Variants in KIAA1217 observed in about 807,000 individuals in gnomAD.
KIAA1217 encodes sickle tail protein homolog.
A neutral mutation model predicts 163.9 loss-of-function variants in KIAA1217; 88 were observed. That is an observed-to-expected ratio of 0.54 (90% CI 0.45 to 0.64). The LOEUF is 0.64. Among genes scored for constraint, KIAA1217 ranks in the 30% least tolerant of loss-of-function variants. The pLI is 0.00. For missense variants in KIAA1217, 2,372 were observed against 2,475.0 expected (o/e 0.96, Z 0.88); for synonymous variants, 903 against 923.1 (o/e 0.98, Z 0.39).
intron 10 of KIAA1217, among the ~76,000 whole-genome samples, chr10:24,514,030 AAATGCTTCCTTAGCTGTTATG>A (rs1564835407): frequency 6.6e-6 from 1 of 152,216 alleles, no homozygotes; most frequent in African/African-American, 2.4e-5. Context: ...CCAGAATGAA[AAATGCTTCCTTAGCTGTTATG>A]AATGTTATTT....
intron 3 of KIAA1217, among the ~76,000 whole-genome samples, chr10:24,383,854 G>A (rs908605986): frequency 6.6e-6 from 1 of 152,240 alleles, no homozygotes; most frequent in Admixed American, 6.5e-5. Context: ...GCGTAATCCA[G>A]TTGAGCCTGG....
intron 2 of KIAA1217, among the ~76,000 whole-genome samples, chr10:24,340,411 T>C (rs7907828): frequency 0.13 from 20,315 of 152,148 alleles, 4,564 homozygotes; most frequent in African/African-American, 0.46. Context: ...TCTTGCCTGC[T>C]GCCACGTAAG....
At chr10:24,118,297 G>A (rs2063141835) in intron 2 of KIAA1217, among the ~76,000 whole-genome samples, 1 of 152,106 alleles carries the variant, frequency 6.6e-6, no homozygotes, top group Non-Finnish European at 1.5e-5. Context: ...TTGTTGAGCC[G>A]CCTCCGCCAC....
intron 2 of KIAA1217, among the ~76,000 whole-genome samples, chr10:24,048,361 A>T (rs1195840005): frequency 6.6e-6 from 1 of 152,252 alleles, no homozygotes; most frequent in Non-Finnish European, 1.5e-5. Context: ...TAAATATAGT[A>T]TGAGCTATGA....
At chr10:24,243,292 G>C (rs2073330322) in intron 2 of KIAA1217, among the ~76,000 whole-genome samples, 1 of 151,970 alleles carries the variant, frequency 6.6e-6, no homozygotes, top group African/African-American at 2.4e-5. Flanking sequence ...AGATTCAGGG[G>C]GTACATGTGC....
At chr10:24,350,408 C>G (rs1358894777) in intron 2 of KIAA1217, among the ~76,000 whole-genome samples, 1 of 152,070 alleles carries the variant, frequency 6.6e-6, no homozygotes, top group Non-Finnish European at 1.5e-5. Flanking sequence ...GGCATGACTT[C>G]GATTGTGTGT....
intron 5 of KIAA1217, among the ~76,000 whole-genome samples, chr10:24,448,089 C>G (rs1319562719): frequency 6.6e-6 from 1 of 152,024 alleles, no homozygotes; most frequent in Non-Finnish European, 1.5e-5. Context: ...AAGATCACAC[C>G]ACTGTACTCC....
At chr10:23,953,551 G>C (rs1276153509) in intron 1 of KIAA1217, among the ~76,000 whole-genome samples, 2 of 152,188 alleles carry the variant, frequency 1.3e-5, no homozygotes, top group Admixed American at 1.3e-4. Flanking sequence ...TTCCCCTGTT[G>C]CCAGGAAGGA....
intron 3 of KIAA1217, among the ~76,000 whole-genome samples, chr10:24,414,177 T>C (rs1032509434): frequency 1.1e-4 from 16 of 152,376 alleles, no homozygotes; most frequent in African/African-American, 3.6e-4. Context: ...TAGTCCAGTC[T>C]GCTTTGCTTT....
At chr10:23,809,046 T>C (rs1437921229) in intron 1 of KIAA1217, among the ~76,000 whole-genome samples, 1 of 152,094 alleles carries the variant, frequency 6.6e-6, no homozygotes. Context: ...CATTGTAGAA[T>C]ACTATACCTA....
chr10:23,726,304 G>GTTTTT (rs35157466), intron 1 of KIAA1217, among the ~76,000 whole-genome samples: 2 of 137,512 alleles, frequency 1.5e-5, no homozygotes, highest in Non-Finnish European at 3.2e-5. Flanking sequence ...CATGAGTTTG[G>GTTTTT]TTTTTTTTTT....
chr10:24,415,630 G>A (rs377195292), intron 3 of KIAA1217, among the ~76,000 whole-genome samples: 1 of 151,910 alleles, frequency 6.6e-6, no homozygotes, highest in Non-Finnish European at 1.5e-5. Flanking sequence ...CCAACAGATC[G>A]GTCTCAACCC....
chr10:24,337,794 C>T (rs1382750497), intron 2 of KIAA1217, among the ~76,000 whole-genome samples: 1 of 151,796 alleles, frequency 6.6e-6, no homozygotes, highest in Non-Finnish European at 1.5e-5. Context: ...CAGGTGCCTG[C>T]CACCATGCCC....
chr10:24,338,441 G>A (rs2046669951), intron 2 of KIAA1217, among the ~76,000 whole-genome samples: 1 of 152,150 alleles, frequency 6.6e-6, no homozygotes, highest in African/African-American at 2.4e-5. Flanking sequence ...GCTGCCCCTT[G>A]CTTCTGAAGG....
chr10:24,281,474 C>T (rs958197476), intron 2 of KIAA1217, among the ~76,000 whole-genome samples: 1 of 152,200 alleles, frequency 6.6e-6, no homozygotes, highest in Non-Finnish European at 1.5e-5. Context: ...CTCCCCATCA[C>T]CTTTCCACAT....
At chr10:24,272,809 C>T (rs993490165) in intron 2 of KIAA1217, among the ~76,000 whole-genome samples, 4 of 152,136 alleles carry the variant, frequency 2.6e-5, no homozygotes, top group African/African-American at 7.2e-5. Flanking sequence ...ATGAGTTATT[C>T]GCCTGAAGGA....
At chr10:23,801,500 TC>T (rs541110181) in intron 1 of KIAA1217, among the ~76,000 whole-genome samples, 66 of 152,208 alleles carry the variant, frequency 4.3e-4, no homozygotes, top group African/African-American at 1.4e-3. Context: ...AAAAGCATGG[TC>T]CAAATCAAAA....
chr10:24,198,930 A>G (rs2067118693), intron 2 of KIAA1217, among the ~76,000 whole-genome samples: 1 of 152,142 alleles, frequency 6.6e-6, no homozygotes, highest in Admixed American at 6.5e-5. Context: ...TCAGTATTAC[A>G]TGAACAAGCC....
At chr10:24,355,969 A>G (rs10764465) in intron 2 of KIAA1217, among the ~76,000 whole-genome samples, 73,379 of 150,730 alleles carry the variant, frequency 0.49, 17,960 homozygotes, top group East Asian at 0.53. Context: ...GGCTGGTCTC[A>G]AACTCCTGAC....
Sources: allele counts gnomAD v4.1 joint callset (sites outside exome capture counted in the v4.1 genomes callset), GRCh38; gene constraint gnomAD v4.1.1; transcripts MANE v1.5; gene names NCBI Gene and HGNC (gene_info 2026-07-23, HGNC 2026-07-21).